Variants in NMBR observed in about 807,000 individuals in gnomAD.
NMBR encodes neuromedin B receptor.
Under a neutral mutation model 20.5 loss-of-function variants are expected in NMBR, and 16 were observed. That is an observed-to-expected ratio of 0.78 (90% CI 0.53 to 1.19). NMBR has a LOEUF of 1.19. NMBR is among the 50% of genes most tolerant of loss of function. The probability of loss-of-function intolerance (pLI) is 0.00; values close to 1 mark genes in which losing one functional copy is unlikely to be tolerated. For missense variants in NMBR, 582 were observed against 499.1 expected (o/e 1.17, Z -1.58); for synonymous variants, 212 against 196.6 (o/e 1.08, Z -0.65).
At chr6:142,116,539 T>C (rs1469116858) in intron 1 of NMBR, among the ~76,000 whole-genome samples, 1 of 152,044 alleles carries the variant, frequency 6.6e-6, no homozygotes, top group Non-Finnish European at 1.5e-5. Flanking sequence ...TACTGACATC[T>C]TGACAATCAA....
chr6:142,139,203 A>T lies in NMBR; in HGVS notation c.-664+7841T>A, dbSNP rs79373101. Among the ~76,000 whole-genome samples, 407 of 152,276 alleles carry T rather than the reference A, an allele frequency of 2.7e-3. 16 individuals carry two copies. In the East Asian group the frequency reaches 0.051, roughly 19 times the overall value. Reference sequence around the variant, plus strand: ...CTCTCAGGATTCTTCCCCAGGGAAGATCACTTTTCCAAAAAATCCCACAGA... The same window carrying T: ...CTCTCAGGATTCTTCCCCAGGGAAGTTCACTTTTCCAAAAAATCCCACAGA... On this transcript the variant is annotated intron_variant, in intron 1 of 3. Transcript: ENST00000258042.
intron 1 of NMBR, among the ~76,000 whole-genome samples, chr6:142,097,896 T>C (rs1406938265): frequency 6.6e-6 from 1 of 151,390 alleles, no homozygotes; most frequent in Non-Finnish European, 1.5e-5. Flanking sequence ...AAGAAAAAAG[T>C]CATAAAAATA....
chr6:142,110,681 A>C (rs1483178554), intron 1 of NMBR, among the ~76,000 whole-genome samples: 1 of 152,168 alleles, frequency 6.6e-6, no homozygotes, highest in East Asian at 1.9e-4. Flanking sequence ...AACATACCAA[A>C]AACTATTTAA....
rs770883220 is a variant in NMBR, at chr6:142,091,769, G to A, written c.-663-2448C>T. The stretch of plus-strand genomic sequence containing the variant: ...GAGAAAGCAATTATGTCAAAAAAAT[G>A]TGATTTCTATATAAATGAAGTATAC... On this transcript the variant is annotated intron_variant, in intron 1 of 3. Coordinates refer to ENST00000258042, the MANE Select transcript of NMBR (RefSeq NM_002511.4). Among the ~76,000 whole-genome samples, 4 of 152,200 alleles carry A rather than the reference G, an allele frequency of 2.6e-5. No individual in the cohort carries two copies. The East Asian group carries it at 7.7e-4, about 29-fold the overall frequency.
In NMBR at chr6:142,132,779, GAT is replaced by G. The variant is rs541881502; in HGVS notation, c.-664+14263_-664+14264del. On this transcript the variant is annotated intron_variant, in intron 1 of 3. Coordinates refer to ENST00000258042, the MANE Select transcript of NMBR (RefSeq NM_002511.4). ...CCAAGCTAAAGAGCCCACTAATTTA[GAT>G]ACAGTCCATTTTTAGGTAATTGCAG... Among the ~76,000 whole-genome samples the G allele has an allele frequency of 1.8e-3, 277 of 152,244 alleles. 2 individuals are homozygous for G. The highest frequency in any genetic ancestry group is 5.9e-3 in the African/African-American group (246 of 41,556).
intron 1 of NMBR, among the ~76,000 whole-genome samples, chr6:142,108,252 A>G (rs904357801): frequency 6.6e-6 from 1 of 152,210 alleles, no homozygotes; most frequent in African/African-American, 2.4e-5. Flanking sequence ...CAAATAGGAC[A>G]AACACAAAGA....
chr6:142,079,421 T>A (rs1176123470), intron 2 of NMBR, among the ~76,000 whole-genome samples: 3 of 152,200 alleles, frequency 2.0e-5, no homozygotes, highest in Non-Finnish European at 4.4e-5. Context: ...AAATTTGCAT[T>A]TCCTAAATCC....
In NMBR at chr6:142,087,377, C is replaced by T. The variant is rs1777218917; in HGVS notation, c.422+860G>A. On this transcript the variant is annotated intron_variant, in intron 2 of 3. Coordinates refer to ENST00000258042, the MANE Select transcript of NMBR (RefSeq NM_002511.4). ...TAAACCACAGCTCCATGAAAAGGTA[C>T]CTAATTTTGCATTTTTCCCCACCCC... is the stretch of plus-strand genomic sequence containing the variant. Among the ~76,000 whole-genome samples the T allele has an allele frequency of 2.0e-5, 3 of 152,252 alleles. No homozygotes were observed. The South Asian group carries it at 6.2e-4, about 32-fold the overall frequency.
intron 1 of NMBR, among the ~76,000 whole-genome samples, chr6:142,099,401 G>A (rs1187439329): frequency 6.6e-6 from 1 of 152,132 alleles, no homozygotes; most frequent in Non-Finnish European, 1.5e-5. Context: ...GAGAAGGCAA[G>A]GCAAAGACCT....
At chr6:142,141,340 T>C (rs981658591) in intron 1 of NMBR, among the ~76,000 whole-genome samples, 1 of 152,098 alleles carries the variant, frequency 6.6e-6, no homozygotes, top group Admixed American at 6.6e-5. Flanking sequence ...AAAAATTACC[T>C]GGGAAATTAA....
chr6:142,124,620 C>T (rs775319088), intron 1 of NMBR, among the ~76,000 whole-genome samples: 11 of 151,576 alleles, frequency 7.3e-5, no homozygotes, highest in South Asian at 4.2e-4. Flanking sequence ...GCATATCCCC[C>T]GCCAAAAATA....
intron 1 of NMBR, among the ~76,000 whole-genome samples, chr6:142,146,728 G>C (rs917228362): frequency 2.0e-5 from 3 of 152,118 alleles, no homozygotes; most frequent in African/African-American, 7.2e-5. Flanking sequence ...CGCGAAATCT[G>C]ATTATTTTAT....
In NMBR at chr6:142,089,224, T is replaced by C. The variant is rs1468136731; in HGVS notation, c.-566A>G. On this transcript the variant is annotated 5_prime_UTR_variant, in exon 2 of 4. The change creates a new upstream start codon in the 5' untranslated region. Transcript: ENST00000258042. ...CTCCATGCATGTGTGTGTGCCCCTA[T>C]ATACATCCATCCTTACCCGCCTCCA... 1.3e-5 allele frequency: 2 copies of C among 152,900 alleles called. No homozygotes were observed. The highest frequency in any genetic ancestry group is 3.9e-4 in the East Asian group (2 of 5,184). 9.5% of individuals were successfully genotyped at this position (152,900 alleles called of 1,614,324 possible). A position where few individuals can be genotyped will look rare whatever the true frequency, so the allele number is the denominator to read the frequency against.
intron 1 of NMBR, among the ~76,000 whole-genome samples, chr6:142,122,420 T>G (rs1777960652): frequency 6.6e-6 from 1 of 151,960 alleles, no homozygotes; most frequent in Non-Finnish European, 1.5e-5. Flanking sequence ...ACCATAAAAA[T>G]GCAAGATGAA....
Position 142,075,789 on chromosome 6 carries a change from C to T in NMBR, c.1032G>A (p.Lys344=). 1.2e-6 allele frequency: 2 copies of T among 1,614,090 alleles called. No homozygotes were observed. The highest frequency in any genetic ancestry group is 1.7e-6 in the Non-Finnish European group (2 of 1,179,962). The change falls in exon 4 of 4, where the codon AAG becomes AAA. Residue 344 remains lysine (K), a synonymous_variant. Coordinates refer to ENST00000258042, the MANE Select transcript of NMBR (RefSeq NM_002511.4). ...HFNSQLCCGR[K]SYQERGTSYL... ...AGCTGGTTCCTCTCTCTTGATAGGA[C>T]TTCCTCCCACAGCAGAGTTGGCTGT...
chr6:142,117,869 A>G (rs1019875507), intron 1 of NMBR, among the ~76,000 whole-genome samples: 3 of 152,004 alleles, frequency 2.0e-5, no homozygotes, highest in Non-Finnish European at 2.9e-5. Context: ...AGTATTTACA[A>G]TTTATCATTA....
rs1777240001 is a variant in NMBR at position 142,088,325 on chromosome 6, C to T, written c.334G>A (p.Gly112Ser). 6.2e-7 allele frequency: 1 copy of T among 1,614,144 alleles called. No homozygotes were observed. The highest frequency in any genetic ancestry group is 8.5e-7 in the Non-Finnish European group (1 of 1,180,030). Residue 112 changes from glycine (G) to serine (S), a missense_variant, in exon 2 of 4, where the codon GGC becomes AGC. Coordinates refer to ENST00000258042, the MANE Select transcript of NMBR (RefSeq NM_002511.4). ...SRYFFDEWMFGKVGCKLIPVI... is the reference protein window; with the variant it reads ...SRYFFDEWMFSKVGCKLIPVI... ...GGGATCAGTTTGCAGCCCACCTTGC[C>T]AAACATCCACTCGTCGAAGAAGTAG...
chr6:142,118,384 C>T (rs1777887680), intron 1 of NMBR, among the ~76,000 whole-genome samples: 1 of 151,872 alleles, frequency 6.6e-6, no homozygotes, highest in Non-Finnish European at 1.5e-5. Context: ...AGAGAGGTCC[C>T]CAAGTTAGGT....
chr6:142,090,060 C>T (rs759981913), intron 1 of NMBR, among the ~76,000 whole-genome samples: 2 of 151,986 alleles, frequency 1.3e-5, no homozygotes, highest in African/African-American at 2.4e-5. Context: ...TAATGCCACT[C>T]GTAGATATAT....
Sources: allele counts gnomAD v4.1 joint callset (sites outside exome capture counted in the v4.1 genomes callset), GRCh38; gene constraint gnomAD v4.1.1; transcripts MANE v1.5; gene names NCBI Gene and HGNC (gene_info 2026-07-23, HGNC 2026-07-21).